The following TRAPPC3 variants were observed in gnomAD, a reference collection of about 807,000 sequenced individuals.
TRAPPC3 encodes trafficking protein particle complex 3.
TRAPPC3 carries 5 observed loss-of-function variants against 18.2 expected under a neutral mutation model. The observed-to-expected ratio is 0.28, with a 90% confidence interval of 0.14 to 0.58. The LOEUF is 0.58. Ranked by LOEUF, TRAPPC3 falls within the 20% of genes least tolerant of loss-of-function variation. TRAPPC3 has a pLI of 0.91. For synonymous variants in TRAPPC3, 65 were observed against 84.2 expected (o/e 0.77, Z 1.25); for missense variants, 176 against 225.9 (o/e 0.78, Z 1.41).
intron 1 of TRAPPC3, among the ~76,000 whole-genome samples, chr1:36,143,003 G>A (rs936370730): frequency 7.2e-5 from 11 of 152,120 alleles, no homozygotes; most frequent in African/African-American, 1.9e-4. Flanking sequence ...CTGTACTCCC[G>A]CCTAGGTAGA....
chr1:36,140,324 G>A, intron 1 of TRAPPC3, 158 bp from the exon 2 acceptor site: 1 of 504,692 alleles, frequency 2.0e-6, no homozygotes, highest in Non-Finnish European at 3.4e-6. Context: ...AATTTGGCCT[G>A]CAAGGTCAAA....
intron 1 of TRAPPC3, among the ~76,000 whole-genome samples, chr1:36,144,604 T>G: frequency 6.6e-6 from 1 of 152,210 alleles, no homozygotes; most frequent in East Asian, 1.9e-4. Flanking sequence ...CAGTGAATTG[T>G]GATTACACCA....
At chr1:36,145,514 C>T (rs953871403) in intron 1 of TRAPPC3, among the ~76,000 whole-genome samples, 19 of 152,274 alleles carry the variant, frequency 1.2e-4, no homozygotes, top group African/African-American at 4.3e-4. Flanking sequence ...TAATGGCTCA[C>T]CTGAGCTCAG....
At chr1:36,151,488 T>C (rs1344072981), upstream of TRAPPC3, among the ~76,000 whole-genome samples, 1 of 152,210 alleles carries the variant, frequency 6.6e-6, no homozygotes, top group Non-Finnish European at 1.5e-5. Flanking sequence ...TGTGCACCTC[T>C]GGCCCCCAGC....
upstream of TRAPPC3, among the ~76,000 whole-genome samples, chr1:36,151,869 A>G (rs572225182): frequency 2.4e-4 from 37 of 152,286 alleles, no homozygotes; most frequent in African/African-American, 8.9e-4. Flanking sequence ...TTAGTCCTGT[A>G]TCTGAGTTCC....
chr1:36,139,945 A>G (rs1199423260), intron 2 of TRAPPC3, 124 bp downstream of exon 2: 2 of 1,488,812 alleles, frequency 1.3e-6, no homozygotes, highest in Admixed American at 4.4e-5. Flanking sequence ...GAGTTTAGTG[A>G]GAAATGTACC....
intron 1 of TRAPPC3, among the ~76,000 whole-genome samples, chr1:36,148,828 C>G (rs1455010072): frequency 6.6e-6 from 1 of 152,134 alleles, no homozygotes; most frequent in East Asian, 1.9e-4. Context: ...AATACCCACG[C>G]CACAGTACGA....
chr1:36,155,257 C>T (rs1158125988), intron 1 of TRAPPC3, among the ~76,000 whole-genome samples: 1 of 152,256 alleles, frequency 6.6e-6, no homozygotes, highest in Non-Finnish European at 1.5e-5. Flanking sequence ...CAGCAAGCTC[C>T]CCACTCTGCC....
chr1:36,146,592 T>TAAAAA (rs58611478), intron 1 of TRAPPC3, among the ~76,000 whole-genome samples: 32 of 82,968 alleles, frequency 3.9e-4, no homozygotes, highest in African/African-American at 1.7e-3. Flanking sequence ...CCTACTTCAT[T>TAAAAA]AAAAAAAAAA....
upstream of TRAPPC3, among the ~76,000 whole-genome samples, chr1:36,153,687 G>A (rs926158734): frequency 1.3e-5 from 2 of 152,076 alleles, no homozygotes; most frequent in Admixed American, 6.5e-5. Flanking sequence ...CACACCCCCC[G>A]CCCACCGCCG....
intron 1 of TRAPPC3, chr1:36,149,118 G>A (rs1644243553): frequency 1.4e-6 from 2 of 1,442,288 alleles, no homozygotes; most frequent in Admixed American, 5.5e-5. Flanking sequence ...TTAGCACAGA[G>A]CTGCACTCAG....
rs1025657962 is a variant in TRAPPC3 at position 36,147,216 on chromosome 1, G to A, written c.42+2121C>T. Among the ~76,000 whole-genome samples, 25 of 152,208 alleles carry A rather than the reference G, an allele frequency of 1.6e-4. 1 individual carries two copies. The highest frequency in any genetic ancestry group is 2.6e-4 in the Admixed American group (4 of 15,284). On this transcript the variant is annotated intron_variant, in intron 1 of 4. Coordinates refer to ENST00000373166, the MANE Select transcript of TRAPPC3 (RefSeq NM_014408.5). ...TGGGTGCCTGTAATCCTAGCTACTC[G>A]GGAGGCTGAGGCAGGAGAATCTTTT...
chr1:36,150,817 C>G (rs1270076298), upstream of TRAPPC3, among the ~76,000 whole-genome samples: 1 of 152,190 alleles, frequency 6.6e-6, no homozygotes, highest in East Asian at 1.9e-4. Flanking sequence ...GGGAGGAAAG[C>G]AGGAGTCAAC....
intron 1 of TRAPPC3, among the ~76,000 whole-genome samples, chr1:36,154,888 A>T (rs949425079): frequency 1.3e-5 from 2 of 152,162 alleles, no homozygotes; most frequent in Admixed American, 1.3e-4. Flanking sequence ...TTTTTGGGCC[A>T]GAGGGGACAC....
At chr1:36,151,410 T>C (rs1426044530), upstream of TRAPPC3, among the ~76,000 whole-genome samples, 2 of 151,684 alleles carry the variant, frequency 1.3e-5, no homozygotes, top group South Asian at 2.1e-4. Context: ...GCCACTCTTT[T>C]GTTTATTTAC....
upstream of TRAPPC3, among the ~76,000 whole-genome samples, chr1:36,152,330 G>C (rs1190230585): frequency 7.0e-6 from 1 of 143,172 alleles, no homozygotes; most frequent in African/African-American, 2.6e-5. Context: ...TTTTTTTTGA[G>C]AGAGTCTTGC....
intron 1 of TRAPPC3, chr1:36,149,135 G>A: frequency 6.9e-7 from 1 of 1,451,872 alleles, no homozygotes; most frequent in Non-Finnish European, 9.1e-7. Flanking sequence ...TCAGGCCTTG[G>A]GGGCGGGGTC....
intron 1 of TRAPPC3, among the ~76,000 whole-genome samples, chr1:36,146,592 TAA>T (rs58611478): frequency 1.7e-4 from 14 of 82,978 alleles, no homozygotes; most frequent in African/African-American, 5.4e-4. Flanking sequence ...CCTACTTCAT[TAA>T]AAAAAAAAAA....
upstream of TRAPPC3, chr1:36,149,510 C>CCCGCGGGGCA: frequency 8.2e-7 from 1 of 1,217,492 alleles, no homozygotes; most frequent in Non-Finnish European, 1.2e-6. Flanking sequence ...TGCGCGGCCT[C>CCCGCGGGGCA]CCGCGGGGCA....
Sources: allele counts gnomAD v4.1 joint callset (sites outside exome capture counted in the v4.1 genomes callset), GRCh38; gene constraint gnomAD v4.1.1; transcripts MANE v1.5; gene names NCBI Gene and HGNC (gene_info 2026-07-23, HGNC 2026-07-21).